The following FCHSD2 variants were observed in gnomAD, a reference collection of about 807,000 sequenced individuals.
The protein encoded by FCHSD2 is FCH and double SH3 domains 2, also known as F-BAR and double SH3 domains protein 2.
Under a neutral mutation model 108.1 loss-of-function variants are expected in FCHSD2, and 38 were observed. The ratio of observed to expected loss-of-function variants is 0.35; its 90% CI spans 0.27 to 0.46. FCHSD2 has a LOEUF of 0.46. Among genes scored for constraint, FCHSD2 ranks in the 20% least tolerant of loss-of-function variants. The probability of loss-of-function intolerance (pLI) is 1.00; values close to 1 mark genes in which losing one functional copy is unlikely to be tolerated. For missense variants in FCHSD2, 751 were observed against 897.8 expected (o/e 0.84, Z 2.09); for synonymous variants, 279 against 314.7 (o/e 0.89, Z 1.20).
At chr11:72,895,246 G>T (rs1164841895) in intron 10 of FCHSD2, among the ~76,000 whole-genome samples, 2 of 152,108 alleles carry the variant, frequency 1.3e-5, no homozygotes, top group Non-Finnish European at 2.9e-5. Flanking sequence ...GGACACCTGG[G>T]GAAAAGGAAT....
intron 13 of FCHSD2, among the ~76,000 whole-genome samples, chr11:72,867,319 C>A (rs554332729): frequency 6.6e-6 from 1 of 152,246 alleles, no homozygotes; most frequent in South Asian, 2.1e-4. Flanking sequence ...AGAAAAAGCC[C>A]TGGACTTGAA....
In FCHSD2 at chr11:73,001,150, GA is replaced by G; in HGVS notation, c.243-17del. ...ATACATGCTCCTAAATTCAAAGAGG[GA>G]TAGAAAAGCATTAGGCAGGGAACAG... On this transcript the variant is annotated splice_polypyrimidine_tract_variant and intron_variant, in intron 4 of 19. Transcript: ENST00000409418. 6.2e-7 allele frequency: 1 copy of G among 1,610,868 alleles called. No individual in the cohort carries two copies.
chr11:73,042,337 T>C (rs1002745962), intron 3 of FCHSD2, among the ~76,000 whole-genome samples: 1 of 152,238 alleles, frequency 6.6e-6, no homozygotes, highest in Admixed American at 6.5e-5. Context: ...TATAAGTTAT[T>C]GGCACCTTTG....
intron 10 of FCHSD2, among the ~76,000 whole-genome samples, chr11:72,899,555 A>C (rs1023440164): frequency 6.6e-6 from 1 of 151,996 alleles, no homozygotes; most frequent in East Asian, 1.9e-4. Context: ...CAACATGGTG[A>C]CATCCCCTCT....
At chr11:72,860,235 G>C (rs549404584) in intron 13 of FCHSD2, among the ~76,000 whole-genome samples, 13 of 152,254 alleles carry the variant, frequency 8.5e-5, no homozygotes, top group Non-Finnish European at 1.2e-4. Context: ...ACCGGTAAAA[G>C]GTTCGTTCCA....
chr11:72,971,204 T>C (rs955679719), intron 8 of FCHSD2, among the ~76,000 whole-genome samples: 58 of 152,174 alleles, frequency 3.8e-4, no homozygotes, highest in African/African-American at 1.4e-3. Context: ...CATATGTTTA[T>C]ATATTAATAA....
At chr11:73,059,209 A>T (rs1318871319) in intron 3 of FCHSD2, among the ~76,000 whole-genome samples, 1 of 152,200 alleles carries the variant, frequency 6.6e-6, no homozygotes, top group Non-Finnish European at 1.5e-5. Flanking sequence ...TTCAAAATAC[A>T]GAGTCTATTG....
chr11:73,084,036 T>C lies in FCHSD2; in HGVS notation c.120-296A>G, dbSNP rs537587675. Among the ~76,000 whole-genome samples, 159 of 152,174 alleles carry C rather than the reference T, an allele frequency of 1.0e-3. 2 individuals are homozygous for C. The highest frequency in any genetic ancestry group is 6.3e-4 in the Non-Finnish European group (43 of 68,028). The stretch of plus-strand genomic sequence containing the variant: ...GGGGATAATAACAGTACTCACCTCA[T>C]AGGGATATTATAAAATTTAGTTACT... On this transcript the variant is annotated intron_variant, in intron 2 of 19. Coordinates refer to ENST00000409418, the MANE Select transcript of FCHSD2 (RefSeq NM_014824.3).
At position 72,939,763 on chromosome 11, in the gene FCHSD2, T is replaced by C. The variant is rs185376843; in HGVS notation, c.706-17813A>G. Among the ~76,000 whole-genome samples the C allele has an allele frequency of 6.0e-3, 917 of 151,734 alleles. 5 individuals are homozygous for C. Among genetic ancestry groups the C allele is most frequent in the Middle Eastern group, 0.027 (8 of 292 alleles). On this transcript the variant is annotated intron_variant, in intron 8 of 19. Transcript: ENST00000409418. ...CCTCCCGAGCAGCTGGGATTACAGA[T>C]GCCCACCAAGACACTCAGCTAATTT...
chr11:73,097,642 T>C (rs1304075761), intron 2 of FCHSD2, among the ~76,000 whole-genome samples: 1 of 150,240 alleles, frequency 6.7e-6, no homozygotes, highest in Non-Finnish European at 1.5e-5. Context: ...TTCTAATTAC[T>C]GATTCAATCC....
chr11:72,951,058 A>G (rs914098231), intron 8 of FCHSD2, among the ~76,000 whole-genome samples: 17 of 152,232 alleles, frequency 1.1e-4, no homozygotes, highest in Non-Finnish European at 2.4e-4. Context: ...TAGCCAGGCC[A>G]TGAGAGAAAG....
chr11:72,956,294 T>G (rs1025064075), intron 8 of FCHSD2, among the ~76,000 whole-genome samples: 1 of 152,038 alleles, frequency 6.6e-6, no homozygotes, highest in South Asian at 2.1e-4. Context: ...GAAGAAATGA[T>G]GAAAATAGAA....
At chr11:73,127,996 A>G (rs1483637572) in intron 2 of FCHSD2, among the ~76,000 whole-genome samples, 2 of 150,842 alleles carry the variant, frequency 1.3e-5, no homozygotes, top group Non-Finnish European at 3.0e-5. Flanking sequence ...CCTGGGCAAC[A>G]GAATAAGACC....
At chr11:72,942,276 T>C (rs954010873) in intron 8 of FCHSD2, among the ~76,000 whole-genome samples, 2 of 152,224 alleles carry the variant, frequency 1.3e-5, no homozygotes, top group Non-Finnish European at 2.9e-5. Context: ...CCACTTTGCC[T>C]TCTGCCATGA....
At chr11:72,903,056 T>C (rs908620351) in intron 9 of FCHSD2, among the ~76,000 whole-genome samples, 1 of 152,212 alleles carries the variant, frequency 6.6e-6, no homozygotes, top group Non-Finnish European at 1.5e-5. Flanking sequence ...TGCCATCCAC[T>C]AGGAAACTGC....
chr11:73,005,419 C>T (rs76266669), intron 4 of FCHSD2, among the ~76,000 whole-genome samples: 3 of 152,240 alleles, frequency 2.0e-5, no homozygotes, highest in East Asian at 1.9e-4. Context: ...GCAACACTGA[C>T]CTAGTTTATC....
At chr11:72,912,188 A>T (rs1052491656) in intron 9 of FCHSD2, among the ~76,000 whole-genome samples, 2 of 152,214 alleles carry the variant, frequency 1.3e-5, no homozygotes, top group African/African-American at 4.8e-5. Context: ...ATGTTGAACA[A>T]CAGTGGTAAA....
chr11:72,842,983 G>T (rs1861008000), intron 16 of FCHSD2, 142 bp from the exon 17 acceptor site: 2 of 869,596 alleles, frequency 2.3e-6, no homozygotes, highest in Non-Finnish European at 3.5e-6. Context: ...ACTGATGAAT[G>T]ATTAACTTTA....
chr11:73,007,381 G>T (rs558328216), intron 4 of FCHSD2, among the ~76,000 whole-genome samples: 1 of 152,272 alleles, frequency 6.6e-6, no homozygotes, highest in East Asian at 1.9e-4. Flanking sequence ...AGCATTTTGG[G>T]AGGCTGAGGC....
Sources: allele counts gnomAD v4.1 joint callset (sites outside exome capture counted in the v4.1 genomes callset), GRCh38; gene constraint gnomAD v4.1.1; transcripts MANE v1.5; gene names NCBI Gene and HGNC (gene_info 2026-07-23, HGNC 2026-07-21).